ZBTB1: variants seen among roughly 807,000 people sequenced by gnomAD.
ZBTB1 encodes zinc finger and BTB domain containing 1.
Under a neutral mutation model 51.6 loss-of-function variants are expected in ZBTB1, and 13 were observed. That is an observed-to-expected ratio of 0.25 (90% CI 0.16 to 0.40). The LOEUF (loss-of-function observed/expected upper bound fraction) is 0.40. Ranked by LOEUF, ZBTB1 falls within the 10% of genes least tolerant of loss-of-function variation. ZBTB1 has a pLI of 1.00. For synonymous variants in ZBTB1, 240 were observed against 282.2 expected (o/e 0.85, Z 1.50); for missense variants, 567 against 856.5 (o/e 0.66, Z 4.22).
chr14:64,521,522 C>T lies in ZBTB1; in HGVS notation c.18C>T (p.His6=). ...AACAGAAGATGGCAAAGCCCAGCCA[C>T]AGCAGCTATGTCCTTCAGCAGCTAA... The part of the protein sequence containing the change: MAKPS[H]SSYVLQQLNN... The change falls in exon 2 of 2, where the codon CAC becomes CAT. Residue 6 remains histidine, a synonymous_variant. Coordinates refer to ENST00000683701, the MANE Select transcript of ZBTB1 (RefSeq NM_001123329.2). 1.9e-6 allele frequency: 3 copies of T among 1,608,616 alleles called. No homozygotes were observed. Among genetic ancestry groups the T allele is most frequent in the Admixed American group, 1.7e-5 (1 of 59,198 alleles).
At chr14:64,530,295 G>T (rs2079933254) in intron 2 of ZBTB1, among the ~76,000 whole-genome samples, 1 of 152,166 alleles carries the variant, frequency 6.6e-6, no homozygotes, top group Admixed American at 6.5e-5. Flanking sequence ...GACAATAGCA[G>T]CTTGTAAATT....
downstream of ZBTB1, among the ~76,000 whole-genome samples, chr14:64,529,509 T>C (rs1357030981): frequency 6.6e-6 from 1 of 152,206 alleles, no homozygotes; most frequent in Non-Finnish European, 1.5e-5. Flanking sequence ...CAGTAGCTCA[T>C]ACCCATAATC....
chr14:64,522,037 A>C lies in ZBTB1; in HGVS notation c.533A>C (p.Glu178Ala). Residue 178 changes from glutamate (E) to alanine (A), a missense_variant, in exon 2 of 2, where the codon GAG becomes GCG. Coordinates refer to ENST00000683701, the MANE Select transcript of ZBTB1 (RefSeq NM_001123329.2). ...NTPHNREADE[E>A]SLQLGNFPEP... Reference sequence around the variant, plus strand: ...CCACATAATAGAGAGGCTGATGAAGAGTCTTTACAATTAGGTAATTTTCCT... The same window carrying C: ...CCACATAATAGAGAGGCTGATGAAGCGTCTTTACAATTAGGTAATTTTCCT... 2 of 1,614,234 alleles carry C rather than the reference A, an allele frequency of 1.2e-6. No individual in the cohort carries two copies. Among genetic ancestry groups the C allele is most frequent in the Non-Finnish European group, 8.5e-7 (1 of 1,180,040 alleles).
At chr14:64,526,045 C>G (rs530276975), downstream of ZBTB1, among the ~76,000 whole-genome samples, 5 of 152,272 alleles carry the variant, frequency 3.3e-5, no homozygotes, top group East Asian at 9.6e-4. Flanking sequence ...GTGTTGAACT[C>G]CTGACCTCGT....
chr14:64,524,642 A>G lies in ZBTB1; in HGVS notation c.*996A>G, dbSNP rs528527643. The G allele has an allele frequency of 2.6e-3, 2,535 of 983,994 alleles. 1 individual carries two copies. Among genetic ancestry groups the G allele is most frequent in the Non-Finnish European group, 2.8e-3 (2,354 of 828,608 alleles). The allele number at this position is 983,994 out of a possible 1,614,324, so 61.0% of individuals were successfully genotyped here. A position where few individuals can be genotyped will look rare whatever the true frequency, so the allele number is the denominator to read the frequency against. ...ATCTAATAAAATAAAGAGATCAATT[A>G]TAAACCTGGTTGTTCTATAAAAGTA... On this transcript the variant is annotated 3_prime_UTR_variant, in exon 2 of 2. Coordinates refer to ENST00000683701, the MANE Select transcript of ZBTB1 (RefSeq NM_001123329.2).
chr14:64,506,542 A>AAAC (rs369840249), intron 1 of ZBTB1, among the ~76,000 whole-genome samples: 147 of 152,304 alleles, frequency 9.7e-4, no homozygotes, highest in Non-Finnish European at 1.4e-3. Context: ...TCAAAAAAAC[A>AAAC]AACAACAACA....
At chr14:64,512,413 A>G (rs1361877240) in intron 1 of ZBTB1, among the ~76,000 whole-genome samples, 1 of 152,238 alleles carries the variant, frequency 6.6e-6, no homozygotes, top group Non-Finnish European at 1.5e-5. Flanking sequence ...AGGCTTCAGT[A>G]CAGTAGGCAT....
At chr14:64,513,280 G>GAT (rs1248434517) in intron 1 of ZBTB1, among the ~76,000 whole-genome samples, 1 of 152,020 alleles carries the variant, frequency 6.6e-6, no homozygotes, top group Non-Finnish European at 1.5e-5. Flanking sequence ...ATCTGTGAGA[G>GAT]ATATATATAC....
intron 2 of ZBTB1, among the ~76,000 whole-genome samples, chr14:64,531,216 T>C (rs2079939782): frequency 6.6e-6 from 1 of 152,002 alleles, no homozygotes; most frequent in African/African-American, 2.4e-5. Flanking sequence ...ATGAACCATC[T>C]TTTTTTTCAA....
At chr14:64,528,151 C>T (rs2079917252), downstream of ZBTB1, among the ~76,000 whole-genome samples, 2 of 151,922 alleles carry the variant, frequency 1.3e-5, no homozygotes, top group South Asian at 4.2e-4. Context: ...AAAATCTTCC[C>T]CAAAACCAGT....
At chr14:64,517,779 ATATTTTTTT>A (rs1487461685) in intron 1 of ZBTB1, among the ~76,000 whole-genome samples, 4 of 39,802 alleles carry the variant, frequency 1.0e-4, no homozygotes, top group African/African-American at 3.6e-4. Flanking sequence ...ATATATATAT[ATATTTTTTT>A]TTTTTTTTTT....
chr14:64,522,551 T>G lies in ZBTB1; in HGVS notation c.1047T>G (p.Asp349Glu). The change falls in exon 2 of 2, where the codon GAT becomes GAG. Residue 349 changes from aspartate to glutamate, a missense_variant. By Grantham distance (45) the Asp-to-Glu change is conservative. Coordinates refer to ENST00000683701, the MANE Select transcript of ZBTB1 (RefSeq NM_001123329.2). ...ACTTTAACATTATTAAAGTTACTGA[T>G]AAAGACTGTAATGAATCCACTGACA... ...LKDFNIIKVT[D>E]KDCNESTDND... 6.2e-7 allele frequency: 1 copy of G among 1,613,906 alleles called. No individual in the cohort carries two copies. Among genetic ancestry groups the G allele is most frequent in the South Asian group, 1.1e-5 (1 of 91,020 alleles).
rs1034886575 is a variant in ZBTB1 at position 64,522,287 on chromosome 14, C to T, written c.783C>T (p.Asp261=). ...TAGTAGATATTAGAGATGGAAAAGACAGTAACATCAAAGCTGAATTTGGTG... is the reference window on the plus strand; with the variant it reads ...TAGTAGATATTAGAGATGGAAAAGATAGTAACATCAAAGCTGAATTTGGTG... ...HRIVDIRDGK[D]SNIKAEFGEK... is the part of the protein sequence containing the mutation. The change falls in exon 2 of 2, where the codon GAC becomes GAT. Residue 261 remains aspartate (D), a synonymous_variant. Coordinates refer to ENST00000683701, the MANE Select transcript of ZBTB1 (RefSeq NM_001123329.2). 5 of 1,614,010 alleles carry T rather than the reference C, an allele frequency of 3.1e-6. No individual in the cohort carries two copies. In the African/African-American group the frequency reaches 6.7e-5, roughly 22 times the overall value.
chr14:64,527,492 T>C (rs1353209664), downstream of ZBTB1, among the ~76,000 whole-genome samples: 2 of 152,048 alleles, frequency 1.3e-5, no homozygotes, highest in Non-Finnish European at 2.9e-5. Context: ...AAGCCTGTAA[T>C]CCCAGCTACT....
chr14:64,525,518 C>T (rs2079897384), downstream of ZBTB1, among the ~76,000 whole-genome samples: 1 of 152,132 alleles, frequency 6.6e-6, no homozygotes, highest in Non-Finnish European at 1.5e-5. Context: ...AACCAAGTTT[C>T]CAAACTACAG....
At chr14:64,528,163 T>C (rs912470919), downstream of ZBTB1, among the ~76,000 whole-genome samples, 3 of 152,114 alleles carry the variant, frequency 2.0e-5, no homozygotes, top group African/African-American at 7.2e-5. Context: ...AAAACCAGTT[T>C]AGCCATTGTA....
intron 1 of ZBTB1, among the ~76,000 whole-genome samples, chr14:64,518,904 G>GTATATATATATATATATGTATA (rs2079825609): frequency 1.1e-5 from 1 of 95,128 alleles, no homozygotes; most frequent in Admixed American, 1.2e-4. Context: ...TTGCAGAGAG[G>GTATATATATATATATATGTATA]TATATATATA....
In ZBTB1 at chr14:64,504,828, G is replaced by C. The variant is rs1029323889; in HGVS notation, c.-137G>C. Reference sequence around the variant, plus strand: ...CTCCGCGCAGCCCAGCCCGAGCGCCGAGCGCCGCGCGCCGCCGCCACTGCA... The same window carrying C: ...CTCCGCGCAGCCCAGCCCGAGCGCCCAGCGCCGCGCGCCGCCGCCACTGCA... On this transcript the variant is annotated 5_prime_UTR_variant, in exon 1 of 2. Transcript: ENST00000683701. 5 of 392,980 alleles carry C rather than the reference G, an allele frequency of 1.3e-5. No individual in the cohort carries two copies. The highest frequency in any genetic ancestry group is 2.2e-5 in the Non-Finnish European group (5 of 222,628). 24.3% of individuals were successfully genotyped at this position (392,980 alleles called of 1,614,324 possible).
At chr14:64,519,298 G>A (rs1195019361) in intron 1 of ZBTB1, among the ~76,000 whole-genome samples, 7 of 151,304 alleles carry the variant, frequency 4.6e-5, no homozygotes, top group African/African-American at 1.5e-4. Flanking sequence ...ACAGGCGCCC[G>A]CTATCACGAC....
Sources: allele counts gnomAD v4.1 joint callset (sites outside exome capture counted in the v4.1 genomes callset), GRCh38; gene constraint gnomAD v4.1.1; transcripts MANE v1.5; gene names NCBI Gene and HGNC (gene_info 2026-07-23, HGNC 2026-07-21).